ARL9: variants seen among roughly 807,000 people sequenced by gnomAD.
ARL9 encodes ADP-ribosylation factor-like protein 9.
Under a neutral mutation model 27.0 loss-of-function variants are expected in ARL9, and 14 were observed. That is an observed-to-expected ratio of 0.52 (90% confidence interval 0.34 to 0.81). The LOEUF is 0.81. Ranked by LOEUF, ARL9 falls within the 30% of genes least tolerant of loss-of-function variation. ARL9 has a pLI of 0.01. For synonymous variants in ARL9, 106 were observed against 108.7 expected, an observed-to-expected ratio of 0.98 and a Z score of 0.15; for missense variants, 294 against 290.0, an observed-to-expected ratio of 1.01 and a Z score of -0.10.
At chr4:56,505,582 C>T (rs1030809040), upstream of ARL9, 1 of 585,864 alleles carries the variant, frequency 1.7e-6, no homozygotes, top group Non-Finnish European at 3.2e-6. Flanking sequence ...CTGGTTGGGA[C>T]CTCTTGGTTT....
intron 2 of ARL9, among the ~76,000 whole-genome samples, chr4:56,513,367 A>G (rs4305581): frequency 0.3 from 45,601 of 152,124 alleles, 6,904 homozygotes; most frequent in Middle Eastern, 0.37. Context: ...AATTTTGCCT[A>G]TATCTCTTCA....
Position 56,511,303 on chromosome 4 carries a change from C to T in ARL9, c.398C>T (p.Ala133Val), listed in dbSNP as rs745376719. 12 of 1,613,744 alleles carry T rather than the reference C, an allele frequency of 7.4e-6. No homozygotes were observed. Among genetic ancestry groups the T allele is most frequent in the Non-Finnish European group, 8.5e-6 (10 of 1,179,808 alleles). Residue 133 changes from alanine to valine, a missense_variant, in exon 2 of 4, where the codon GCA (alanine) becomes GTA (valine). Coordinates refer to ENST00000640821, the MANE Select transcript of ARL9 (RefSeq NM_001363794.2). Reference protein sequence around the residue: ...HSVAPTQGFHAVCINTEDSQM... With the variant: ...HSVAPTQGFHVVCINTEDSQM... ...GTGGCACCCACCCAAGGTTTCCATG[C>T]AGTTTGCATCAACACTGAAGACAGC...
At position 56,511,197 on chromosome 4, in the gene ARL9, C is replaced by G; in HGVS notation, c.292C>G (p.Gln98Glu). The change falls in exon 2 of 4, where the codon CAA becomes GAA. Residue 98 changes from glutamine (Q) to glutamate (E), a missense_variant. Transcript: ENST00000640821. ...TTTTGTTTCACAGGAGAAAAACAAG[C>G]AAATCCTAGTGCTGGGCCTGGATGG... ...TPLEPLEKNK[Q>E]ILVLGLDGAG... The G allele has an allele frequency of 3.2e-6, 5 of 1,585,762 alleles. No homozygotes were observed. Among genetic ancestry groups the G allele is most frequent in the Non-Finnish European group, 4.3e-6 (5 of 1,167,090 alleles).
chr4:56,507,965 C>CA (rs202126461), intron 1 of ARL9, among the ~76,000 whole-genome samples: 4,911 of 122,984 alleles, frequency 0.04, 113 homozygotes, highest in Non-Finnish European at 0.055. Context: ...GATTCTGTAT[C>CA]AAAAAAAAAA....
chr4:56,506,607 A>G (rs1721469727), intron 1 of ARL9: 2 of 985,232 alleles, frequency 2.0e-6, no homozygotes, highest in African/African-American at 1.7e-5. Flanking sequence ...GGGACGCTGC[A>G]GTTGTTTTCA....
At chr4:56,507,647 G>C (rs1016085003) in intron 1 of ARL9, among the ~76,000 whole-genome samples, 1 of 150,748 alleles carries the variant, frequency 6.6e-6, no homozygotes, top group Non-Finnish European at 1.5e-5. Flanking sequence ...CTATTTTATA[G>C]GGCCTAAGAT....
intron 1 of ARL9, among the ~76,000 whole-genome samples, chr4:56,506,833 T>TGTGTGTGTG (rs1721480424): frequency 6.7e-6 from 1 of 149,400 alleles, no homozygotes; most frequent in Non-Finnish European, 1.5e-5. Context: ...TGTGTGTGTG[T>TGTGTGTGTG]TCTTTTTTGA....
chr4:56,513,217 T>G (rs1321923300), intron 2 of ARL9, among the ~76,000 whole-genome samples: 3 of 152,216 alleles, frequency 2.0e-5, no homozygotes, highest in Non-Finnish European at 4.4e-5. Flanking sequence ...TTTTTTAGGA[T>G]GCAGCATCCA....
At chr4:56,518,996 G>A in intron 3 of ARL9, 143 bp downstream of exon 3, 8 of 800,326 alleles carry the variant, frequency 1.0e-5, no homozygotes, top group Middle Eastern at 3.7e-4. Flanking sequence ...TAAACACCTT[G>A]AGGGTAGAGA....
chr4:56,523,645 A>G (rs1721994367), intron 3 of ARL9, 52 bp from the exon 4 acceptor site: 1 of 1,458,744 alleles, frequency 6.9e-7, no homozygotes. Flanking sequence ...TTTATCTGAA[A>G]GGATTGCAAA....
chr4:56,506,788 G>T (rs4865109), intron 1 of ARL9: 54,732 of 139,298 alleles, frequency 0.39, 6,389 homozygotes, highest in East Asian at 0.5. Context: ...TAACACAGTT[G>T]TGTGTGTGTG....
At chr4:56,520,205 G>T (rs1202292869) in intron 3 of ARL9, among the ~76,000 whole-genome samples, 1 of 152,154 alleles carries the variant, frequency 6.6e-6, no homozygotes, top group Non-Finnish European at 1.5e-5. Context: ...GTTTCTCCAT[G>T]TTGGCCACGC....
upstream of ARL9, chr4:56,505,707 G>T: frequency 2.4e-6 from 3 of 1,275,960 alleles, no homozygotes; most frequent in Non-Finnish European, 2.1e-6. Flanking sequence ...AGCGGCGGTT[G>T]GCGGCGGTGC....
chr4:56,511,260 A>G lies in ARL9; in HGVS notation c.355A>G (p.Asn119Asp), dbSNP rs1721628066. Reference protein sequence around the residue: ...KTSVLHSLASNRVQHSVAPTQ... With the variant: ...KTSVLHSLASDRVQHSVAPTQ... ...CAGTGTCCTGCACTCTCTAGCTTCA[A>G]ACAGAGTCCAGCACAGTGTGGCACC... The change falls in exon 2 of 4, where the codon AAC becomes GAC. Residue 119 changes from asparagine (N) to aspartate (D), a missense_variant. Coordinates refer to ENST00000640821, the MANE Select transcript of ARL9 (RefSeq NM_001363794.2). The G allele has an allele frequency of 1.2e-6, 2 of 1,613,846 alleles. No individual in the cohort carries two copies. Among genetic ancestry groups the G allele is most frequent in the Non-Finnish European group, 1.7e-6 (2 of 1,179,834 alleles).
chr4:56,515,960 A>G (rs1434245479), intron 2 of ARL9, among the ~76,000 whole-genome samples: 1 of 152,206 alleles, frequency 6.6e-6, no homozygotes, highest in African/African-American at 2.4e-5. Flanking sequence ...TAAAATTTAC[A>G]TGGGTGAGCA....
At chr4:56,519,672 A>C (rs1009133790) in intron 3 of ARL9, among the ~76,000 whole-genome samples, 1 of 152,198 alleles carries the variant, frequency 6.6e-6, no homozygotes, top group Non-Finnish European at 1.5e-5. Flanking sequence ...AAGAATTAAA[A>C]GCAGGGACTC....
Position 56,506,184 on chromosome 4 carries a change from G to A in ARL9, c.279+43G>A, listed in dbSNP as rs367828005. 84 of 1,232,766 alleles carry A rather than the reference G, an allele frequency of 6.8e-5. No individual in the cohort carries two copies. The African/African-American group carries it at 9.5e-4, about 14-fold the overall frequency. 76.4% of individuals were successfully genotyped at this position (1,232,766 alleles called of 1,614,324 possible). A position where few individuals can be genotyped will look rare whatever the true frequency, so the allele number is the denominator to read the frequency against. On this transcript the variant is annotated intron_variant, in intron 1 of 3. Coordinates refer to ENST00000640821, the MANE Select transcript of ARL9 (RefSeq NM_001363794.2). ...CAGGACCCCTTGCCCCAAGGCTTTT[G>A]TCGGCCGTTCAGACCCCAGCGCTGT...
chr4:56,507,560 C>A (rs1721500552), intron 1 of ARL9, among the ~76,000 whole-genome samples: 1 of 151,730 alleles, frequency 6.6e-6, no homozygotes, highest in Admixed American at 6.6e-5. Context: ...AGCGATCCAC[C>A]CGCGTTGGCC....
chr4:56,518,006 T>A (rs1458901331), intron 2 of ARL9, among the ~76,000 whole-genome samples: 2 of 152,080 alleles, frequency 1.3e-5, no homozygotes, highest in Non-Finnish European at 2.9e-5. Context: ...TTTCTTTTTC[T>A]TTTCTTTTTT....
Sources: gnomAD v4.1 joint callset for allele counts (sites outside exome capture counted in the v4.1 genomes callset) on GRCh38, gnomAD v4.1.1 for gene constraint, MANE v1.5 for transcripts, NCBI Gene and HGNC (gene_info 2026-07-23, HGNC 2026-07-21) for gene names.